Variants in MYT1L observed in about 807,000 individuals in gnomAD.
MYT1L encodes the protein myelin transcription factor 1 like, also known as myelin transcription factor 1-like protein.
In MYT1L, 12 loss-of-function variants were observed where a neutral mutation model predicts 126.7. The observed-to-expected ratio is 0.09, with a 90% CI of 0.06 to 0.15. The LOEUF (loss-of-function observed/expected upper bound fraction) is 0.15, where lower values mean the gene tolerates loss of function less well. Among genes scored for constraint, MYT1L ranks in the 10% least tolerant of loss-of-function variants. MYT1L has a pLI of 1.00. For missense variants in MYT1L, 979 were observed against 1,585.2 expected, an observed-to-expected ratio of 0.62 and a Z score of 6.49; for synonymous variants, 541 against 604.2, an observed-to-expected ratio of 0.90 and a Z score of 1.53.
intron 9 of MYT1L, among the ~76,000 whole-genome samples, chr2:1,942,329 A>G (rs1030369630): frequency 3.9e-5 from 6 of 152,218 alleles, no homozygotes; most frequent in African/African-American, 1.2e-4. Flanking sequence ...TGCCGGGAAC[A>G]TTCCCAACAC....
chr2:2,298,128 G>A (rs2095725390), intron 1 of MYT1L, among the ~76,000 whole-genome samples: 1 of 151,872 alleles, frequency 6.6e-6, no homozygotes, highest in East Asian at 1.9e-4. Context: ...ATGAAGCCTG[G>A]CTTTTATTTT....
chr2:2,214,245 A>G (rs940220625), intron 2 of MYT1L, among the ~76,000 whole-genome samples: 1 of 150,762 alleles, frequency 6.6e-6, no homozygotes, highest in Non-Finnish European at 1.5e-5. Flanking sequence ...AAAAAAAGAA[A>G]CATGAGACAA....
intron 19 of MYT1L, among the ~76,000 whole-genome samples, chr2:1,845,054 C>T (rs1315620191): frequency 6.6e-6 from 1 of 151,498 alleles, no homozygotes; most frequent in Non-Finnish European, 1.5e-5. Flanking sequence ...CCTTGGCTCG[C>T]TGAAGCCTCC....
chr2:2,051,087 A>G (rs1034691884), intron 4 of MYT1L, among the ~76,000 whole-genome samples: 1 of 152,116 alleles, frequency 6.6e-6, no homozygotes, highest in Non-Finnish European at 1.5e-5. Context: ...TAAGAAATAG[A>G]ACCACACCCC....
Position 1,839,272 on chromosome 2 carries a change from T to G in MYT1L, c.2957A>C (p.Lys986Thr), listed in dbSNP as rs2148376545. 1 of 1,613,776 alleles carries G rather than the reference T, an allele frequency of 6.2e-7. No individual in the cohort carries two copies. Among genetic ancestry groups the G allele is most frequent in the Admixed American group, 1.7e-5 (1 of 60,036 alleles). ...CTGGGAGCCATTCAGGTACCCGTCT[T>G]TCTGCCTCTTGGCCGCCAAGGGGCA... The part of the protein sequence containing the change: ...SGCPLAAKRQ[K>T]DGYLNGSQFS... The change falls in exon 21 of 25, where the codon AAA becomes ACA. Residue 986 changes from lysine to threonine, a missense_variant. Transcript: ENST00000647738.
intron 2 of MYT1L, among the ~76,000 whole-genome samples, chr2:2,179,384 C>T (rs935257998): frequency 3.3e-5 from 5 of 152,182 alleles, no homozygotes; most frequent in African/African-American, 1.2e-4. Context: ...GAGTTCACTT[C>T]ACCCTCCCTA....
chr2:2,329,931 A>C (rs942585014), intron 1 of MYT1L, among the ~76,000 whole-genome samples: 3 of 151,758 alleles, frequency 2.0e-5, no homozygotes, highest in African/African-American at 7.2e-5. Flanking sequence ...CTTTGGATTC[A>C]AAGTTCTTGA....
chr2:2,187,986 C>G (rs6759325), intron 2 of MYT1L, among the ~76,000 whole-genome samples: 23,128 of 152,148 alleles, frequency 0.15, 1,808 homozygotes, highest in African/African-American at 0.19. Context: ...ATATTTGCCT[C>G]TGTCTACCTT....
intron 18 of MYT1L, among the ~76,000 whole-genome samples, chr2:1,855,494 C>T (rs1383459473): frequency 6.6e-6 from 1 of 152,202 alleles, no homozygotes; most frequent in African/African-American, 2.4e-5. Flanking sequence ...CTGCGGCTCT[C>T]AGCGCTGCAG....
At chr2:2,269,458 C>T (rs1002214765) in intron 2 of MYT1L, among the ~76,000 whole-genome samples, 1 of 152,202 alleles carries the variant, frequency 6.6e-6, no homozygotes. Flanking sequence ...GTGAAGGTTA[C>T]AGGAGGTAAC....
intron 4 of MYT1L, among the ~76,000 whole-genome samples, chr2:2,043,100 C>A (rs978421552): frequency 1.3e-5 from 2 of 152,142 alleles, no homozygotes; most frequent in African/African-American, 4.8e-5. Context: ...GGGACCTCAC[C>A]CACGTTCTTT....
At chr2:1,876,714 G>C (rs916491804) in intron 18 of MYT1L, among the ~76,000 whole-genome samples, 1 of 152,168 alleles carries the variant, frequency 6.6e-6, no homozygotes, top group Non-Finnish European at 1.5e-5. Flanking sequence ...GCCTCTAACT[G>C]CAAGACATCG....
At chr2:1,807,184 C>A (rs2035854382) in intron 22 of MYT1L, among the ~76,000 whole-genome samples, 1 of 152,196 alleles carries the variant, frequency 6.6e-6, no homozygotes, top group Non-Finnish European at 1.5e-5. Context: ...GGACCAATGT[C>A]AAGAAGCTGA....
intron 4 of MYT1L, among the ~76,000 whole-genome samples, chr2:2,051,196 T>C (rs2068787519): frequency 6.6e-6 from 1 of 152,222 alleles, no homozygotes; most frequent in African/African-American, 2.4e-5. Flanking sequence ...TGTCCTAACA[T>C]GCAGCTGTAC....
intron 3 of MYT1L, among the ~76,000 whole-genome samples, chr2:2,089,756 A>AC (rs1277566470): frequency 6.6e-6 from 1 of 151,296 alleles, no homozygotes; most frequent in Non-Finnish European, 1.5e-5. Context: ...GCTGTCTCTG[A>AC]CTCTGTCTCT....
intron 18 of MYT1L, among the ~76,000 whole-genome samples, chr2:1,875,949 C>T (rs895092346): frequency 3.3e-5 from 5 of 152,172 alleles, no homozygotes; most frequent in Non-Finnish European, 7.3e-5. Flanking sequence ...AGGAAAAACG[C>T]ATTATTTAAT....
intron 2 of MYT1L, among the ~76,000 whole-genome samples, chr2:2,204,603 A>G (rs57740427): frequency 1.5e-5 from 2 of 132,564 alleles, no homozygotes; most frequent in Admixed American, 7.3e-5. Context: ...ATTAAAAAGT[A>G]AGGAAACAAC....
chr2:2,273,012 A>C (rs2095292942), intron 2 of MYT1L, among the ~76,000 whole-genome samples: 1 of 152,054 alleles, frequency 6.6e-6, no homozygotes, highest in South Asian at 2.1e-4. Context: ...ATCCTGGGAC[A>C]GTGTCAGTCC....
At chr2:1,863,879 T>C (rs6748884) in intron 18 of MYT1L, among the ~76,000 whole-genome samples, 139,120 of 152,260 alleles carry the variant, frequency 0.91, 63,810 homozygotes, top group East Asian at 1. Context: ...ATAAATGTCT[T>C]GGGACTCCCT....
Sources: gnomAD v4.1 joint callset for allele counts (sites outside exome capture counted in the v4.1 genomes callset) on GRCh38, gnomAD v4.1.1 for gene constraint, MANE v1.5 for transcripts, NCBI Gene and HGNC (gene_info 2026-07-23, HGNC 2026-07-21) for gene names.